The following TMEM108 variants were observed in gnomAD, a reference collection of about 807,000 sequenced individuals.
TMEM108 encodes the protein transmembrane protein 108, also known as cancer/testis antigen 124.
Under a neutral mutation model 35.1 loss-of-function variants are expected in TMEM108, and 12 were observed. That is an observed-to-expected ratio of 0.34 (90% CI 0.22 to 0.55). The LOEUF (loss-of-function observed/expected upper bound fraction) is 0.55, where lower values mean the gene tolerates loss of function less well. Among genes scored for constraint, TMEM108 ranks in the 20% least tolerant of loss-of-function variants. TMEM108 has a pLI of 0.89. For missense variants in TMEM108, 680 were observed against 753.3 expected, an observed-to-expected ratio of 0.90 and a Z score of 1.14; for synonymous variants, 287 against 308.6, an observed-to-expected ratio of 0.93 and a Z score of 0.73.
intron 2 of TMEM108, among the ~76,000 whole-genome samples, chr3:133,106,780 C>T (rs1450044): frequency 0.34 from 51,056 of 152,052 alleles, 8,695 homozygotes; most frequent in Admixed American, 0.41. Context: ...ATATTCCAGT[C>T]TCAGTCAAGT....
At chr3:133,196,614 G>A (rs1198030748) in intron 2 of TMEM108, among the ~76,000 whole-genome samples, 1 of 152,146 alleles carries the variant, frequency 6.6e-6, no homozygotes, top group Non-Finnish European at 1.5e-5. Context: ...CATCAGGTAG[G>A]GGATTGCATT....
intron 2 of TMEM108, chr3:133,119,577 A>G (rs574161426): frequency 2.0e-5 from 3 of 152,318 alleles, no homozygotes; most frequent in African/African-American, 7.2e-5. Context: ...TAGTGTAAAT[A>G]AGTTTGCTAG....
chr3:133,214,179 C>T (rs1380398807), intron 2 of TMEM108, among the ~76,000 whole-genome samples: 2 of 152,292 alleles, frequency 1.3e-5, no homozygotes, highest in Admixed American at 1.3e-4. Flanking sequence ...ATCTTTGCAG[C>T]AAGTATATCT....
At chr3:133,193,472 G>C (rs984245789) in intron 2 of TMEM108, among the ~76,000 whole-genome samples, 1 of 152,062 alleles carries the variant, frequency 6.6e-6, no homozygotes, top group Non-Finnish European at 1.5e-5. Flanking sequence ...TTTGATAGAA[G>C]GACAGTGAGC....
At chr3:133,117,558 G>A (rs1422292774) in intron 2 of TMEM108, among the ~76,000 whole-genome samples, 3 of 152,170 alleles carry the variant, frequency 2.0e-5, no homozygotes, top group Non-Finnish European at 4.4e-5. Context: ...TGTTGCCATG[G>A]TAATCACTGC....
At chr3:133,304,488 C>G (rs1426295539) in intron 3 of TMEM108, among the ~76,000 whole-genome samples, 1 of 152,062 alleles carries the variant, frequency 6.6e-6, no homozygotes, top group African/African-American at 2.4e-5. Context: ...CTTTATTGTG[C>G]CCATTTATAG....
intron 3 of TMEM108, among the ~76,000 whole-genome samples, chr3:133,365,161 C>T (rs572001270): frequency 1.3e-5 from 2 of 152,258 alleles, no homozygotes; most frequent in South Asian, 4.2e-4. Context: ...CTAGCAGCTC[C>T]GGAATGAGAA....
At chr3:133,255,966 G>C (rs942711321) in intron 3 of TMEM108, among the ~76,000 whole-genome samples, 2 of 152,192 alleles carry the variant, frequency 1.3e-5, no homozygotes, top group Non-Finnish European at 2.9e-5. Context: ...TCCAGCCTCT[G>C]CACTGGCTGA....
In TMEM108 at chr3:133,147,554, A is replaced by G. The variant is rs891094817; in HGVS notation, c.-46-81712A>G. ...GTTTTCTTTTGAAAAATGTCTGTTC[A>G]TGTCCTTTGCCCACTTTTTAATGGG... On this transcript the variant is annotated intron_variant, in intron 2 of 5. Transcript: ENST00000321871. 3.9e-5 allele frequency among the ~76,000 whole-genome samples: 6 copies of G among 152,298 alleles called. 1 individual carries two copies. Among genetic ancestry groups the G allele is most frequent in the Admixed American group, 2.0e-4 (3 of 15,278 alleles).
chr3:133,221,660 C>CTTTTT (rs3078806), intron 2 of TMEM108, among the ~76,000 whole-genome samples: 4 of 60,356 alleles, frequency 6.6e-5, no homozygotes, highest in East Asian at 1.2e-3. Flanking sequence ...ACATTGATTC[C>CTTTTT]TTTTTTTTTT....
At chr3:133,302,715 C>T (rs534556752) in intron 3 of TMEM108, among the ~76,000 whole-genome samples, 3 of 152,218 alleles carry the variant, frequency 2.0e-5, no homozygotes, top group East Asian at 3.9e-4. Context: ...CCACCGCCCC[C>T]GGCCAGTATC....
intron 2 of TMEM108, among the ~76,000 whole-genome samples, chr3:133,096,084 G>A (rs9846980): frequency 6.6e-6 from 1 of 152,162 alleles, no homozygotes; most frequent in Non-Finnish European, 1.5e-5. Flanking sequence ...TGATGTCTTA[G>A]ACAGAATATT....
At chr3:133,287,539 G>A (rs1947002722) in intron 3 of TMEM108, among the ~76,000 whole-genome samples, 1 of 152,144 alleles carries the variant, frequency 6.6e-6, no homozygotes, top group African/African-American at 2.4e-5. Context: ...GTTTTTGCTT[G>A]CTCCTTTGTA....
chr3:133,146,537 C>T (rs553080388), intron 2 of TMEM108, among the ~76,000 whole-genome samples: 9 of 152,146 alleles, frequency 5.9e-5, no homozygotes, highest in East Asian at 3.9e-4. Flanking sequence ...TCAGAAGGAA[C>T]GGAAGCAGCT....
chr3:133,315,863 G>A (rs758926593), intron 3 of TMEM108, among the ~76,000 whole-genome samples: 29 of 152,128 alleles, frequency 1.9e-4, no homozygotes, highest in Non-Finnish European at 4.1e-4. Flanking sequence ...AATGAGTAAG[G>A]AATACATAAT....
At chr3:133,312,273 A>T (rs547745678) in intron 3 of TMEM108, among the ~76,000 whole-genome samples, 1 of 152,368 alleles carries the variant, frequency 6.6e-6, no homozygotes, top group East Asian at 1.9e-4. Context: ...CAGAGCTGTC[A>T]GACAGGGATG....
intron 2 of TMEM108, among the ~76,000 whole-genome samples, chr3:133,164,840 A>G (rs1000721659): frequency 6.6e-6 from 1 of 152,202 alleles, no homozygotes; most frequent in African/African-American, 2.4e-5. Flanking sequence ...TGAAAAAAAC[A>G]TTAATAATGT....
intron 2 of TMEM108, among the ~76,000 whole-genome samples, chr3:133,049,075 A>G (rs2107673597): frequency 6.6e-6 from 1 of 152,304 alleles, no homozygotes; most frequent in African/African-American, 2.4e-5. Context: ...TTGCTTTGTT[A>G]GTGGTTTCTG....
At chr3:133,336,307 C>T (rs1310336891) in intron 3 of TMEM108, among the ~76,000 whole-genome samples, 12 of 152,152 alleles carry the variant, frequency 7.9e-5, no homozygotes. Flanking sequence ...AGTTGCACAG[C>T]TCATGGCTCC....
Sources: allele counts gnomAD v4.1 joint callset (sites outside exome capture counted in the v4.1 genomes callset), GRCh38; gene constraint gnomAD v4.1.1; transcripts MANE v1.5; gene names NCBI Gene and HGNC (gene_info 2026-07-23, HGNC 2026-07-21).